PTPRD: variants seen among roughly 807,000 people sequenced by gnomAD.
PTPRD encodes protein tyrosine phosphatase receptor type D.
A neutral mutation model predicts 214.5 loss-of-function variants in PTPRD; 34 were observed. The ratio of observed to expected loss-of-function variants is 0.16; its 90% confidence interval spans 0.12 to 0.21. The LOEUF is 0.21. Among genes scored for constraint, PTPRD ranks in the 10% least tolerant of loss-of-function variants. The pLI is 1.00. For missense variants in PTPRD, 2,545 were observed against 2,398.7 expected (o/e 1.06, Z -1.27); for synonymous variants, 1,128 against 845.7 (o/e 1.33, Z -5.79).
chr9:8,777,068 C>A (rs10815937), intron 11 of PTPRD, among the ~76,000 whole-genome samples: 80,296 of 151,054 alleles, frequency 0.53, 21,414 homozygotes, highest in Middle Eastern at 0.6. Flanking sequence ...GCTGCCTCAA[C>A]CTCCTAGCCT....
intron 8 of PTPRD, among the ~76,000 whole-genome samples, chr9:9,552,419 C>T (rs180780283): frequency 1.5e-4 from 23 of 152,120 alleles, no homozygotes; most frequent in Non-Finnish European, 2.2e-4. Context: ...TTACTCCAAA[C>T]GATGAGCTTT....
intron 12 of PTPRD, among the ~76,000 whole-genome samples, chr9:8,707,079 C>A (rs1165480974): frequency 1.3e-5 from 2 of 152,162 alleles, no homozygotes; most frequent in African/African-American, 4.8e-5. Flanking sequence ...AGATAATGAA[C>A]AACAGCAAGC....
chr9:9,047,829 T>G (rs906413520), intron 10 of PTPRD, among the ~76,000 whole-genome samples: 4 of 151,986 alleles, frequency 2.6e-5, no homozygotes, highest in Admixed American at 2.6e-4. Context: ...TGGGCAAAAA[T>G]TTTTTGAGGA....
intron 10 of PTPRD, among the ~76,000 whole-genome samples, chr9:9,136,099 G>A (rs780695449): frequency 6.6e-5 from 10 of 152,016 alleles, no homozygotes; most frequent in South Asian, 4.2e-4. Context: ...ATAACATACC[G>A]TCATAGTATA....
At chr9:8,458,154 A>G (rs944867286) in intron 33 of PTPRD, among the ~76,000 whole-genome samples, 1 of 152,154 alleles carries the variant, frequency 6.6e-6, no homozygotes, top group Non-Finnish European at 1.5e-5. Flanking sequence ...ACATAGGCCC[A>G]CACTAAAATG....
chr9:10,027,407 T>C (rs2096946046), intron 4 of PTPRD, among the ~76,000 whole-genome samples: 1 of 152,226 alleles, frequency 6.6e-6, no homozygotes, highest in Non-Finnish European at 1.5e-5. Flanking sequence ...TTCACAAACA[T>C]GGCCCACTAT....
intron 7 of PTPRD, among the ~76,000 whole-genome samples, chr9:9,694,586 G>A (rs560112871): frequency 6.6e-6 from 1 of 152,076 alleles, no homozygotes; most frequent in South Asian, 2.1e-4. Flanking sequence ...CAGAGATGCT[G>A]TCCGGAAGCC....
chr9:10,187,015 C>A (rs772823735), intron 3 of PTPRD, among the ~76,000 whole-genome samples: 6 of 152,126 alleles, frequency 3.9e-5, no homozygotes, highest in Non-Finnish European at 8.8e-5. Context: ...CAGAGCATAA[C>A]AGGAGAGAAA....
At chr9:9,238,181 C>A (rs887146761) in intron 9 of PTPRD, among the ~76,000 whole-genome samples, 6 of 152,026 alleles carry the variant, frequency 3.9e-5, no homozygotes, top group African/African-American at 1.2e-4. Flanking sequence ...CCTCTGTCTT[C>A]TGCATGTAGC....
intron 9 of PTPRD, among the ~76,000 whole-genome samples, chr9:9,313,775 T>C (rs1960707678): frequency 6.6e-6 from 1 of 152,176 alleles, no homozygotes; most frequent in Non-Finnish European, 1.5e-5. Context: ...ATAACAATGG[T>C]TCTTCAGCTA....
At chr9:8,457,212 C>G (rs895522460) in intron 33 of PTPRD, among the ~76,000 whole-genome samples, 1 of 152,050 alleles carries the variant, frequency 6.6e-6, no homozygotes, top group Non-Finnish European at 1.5e-5. Context: ...AATTTCTACC[C>G]CATGCAACCA....
chr9:9,039,387 A>G (rs115621863), intron 10 of PTPRD, among the ~76,000 whole-genome samples: 134 of 152,328 alleles, frequency 8.8e-4, no homozygotes, highest in African/African-American at 3.1e-3. Context: ...GCAGCTAATT[A>G]GATCTGCAGT....
chr9:9,599,325 C>T (rs1358377187), intron 7 of PTPRD, among the ~76,000 whole-genome samples: 2 of 152,064 alleles, frequency 1.3e-5, no homozygotes, highest in East Asian at 1.9e-4. Flanking sequence ...TTTACAGATG[C>T]CCACTGGCTC....
intron 7 of PTPRD, among the ~76,000 whole-genome samples, chr9:9,718,909 G>A (rs2097883623): frequency 6.6e-6 from 1 of 152,166 alleles, no homozygotes; most frequent in African/African-American, 2.4e-5. Context: ...GCACATTAAT[G>A]GCAGCCGGAG....
Position 10,452,858 on chromosome 9 carries a change from G to C in PTPRD, c.-599-111841C>G, listed in dbSNP as rs551412396. ...TAGTCTCATGTTTATTTTTGCTTTT[G>C]TTTTCTCCGTTTTTGGAATCAGATC... On this transcript the variant is annotated intron_variant, in intron 2 of 45. Transcript: ENST00000381196. Among the ~76,000 whole-genome samples the C allele has an allele frequency of 1.8e-4, 27 of 151,540 alleles. No homozygotes were observed. In the South Asian group the frequency reaches 5.4e-3, roughly 30 times the overall value.
chr9:9,167,879 T>C (rs2099907314), intron 10 of PTPRD, among the ~76,000 whole-genome samples: 1 of 152,202 alleles, frequency 6.6e-6, no homozygotes. Context: ...TTTTATTTAC[T>C]GGAGAGACAT....
chr9:8,726,892 G>C (rs2098584952), intron 12 of PTPRD, among the ~76,000 whole-genome samples: 1 of 150,918 alleles, frequency 6.6e-6, no homozygotes, highest in African/African-American at 2.4e-5. Flanking sequence ...GATGACTTGA[G>C]CCCAGGAAGT....
chr9:10,313,815 C>T (rs2096341064), intron 3 of PTPRD, among the ~76,000 whole-genome samples: 1 of 151,922 alleles, frequency 6.6e-6, no homozygotes, highest in Non-Finnish European at 1.5e-5. Flanking sequence ...TTCCATAATA[C>T]CTTTCCCTTA....
intron 8 of PTPRD, among the ~76,000 whole-genome samples, chr9:9,487,394 C>G (rs186161794): frequency 1.3e-4 from 20 of 152,124 alleles, no homozygotes; most frequent in African/African-American, 4.8e-4. Context: ...ACGAACTCAT[C>G]CTTTTTTATG....
Sources: gnomAD v4.1 joint callset for allele counts (sites outside exome capture counted in the v4.1 genomes callset) on GRCh38, gnomAD v4.1.1 for gene constraint, MANE v1.5 for transcripts, NCBI Gene and HGNC (gene_info 2026-07-23, HGNC 2026-07-21) for gene names.